The following CDH6 variants were observed in gnomAD, a reference collection of about 807,000 sequenced individuals.
CDH6 encodes the protein cadherin-6.
A neutral mutation model predicts 78.0 loss-of-function variants in CDH6; 31 were observed. The observed-to-expected ratio is 0.40, with a 90% CI of 0.30 to 0.54. The LOEUF is 0.54. CDH6 is among the 20% of genes least tolerant of loss of function. The pLI, the probability that CDH6 is intolerant of heterozygous loss-of-function variation, is 0.56. For synonymous variants in CDH6, 376 were observed against 368.8 expected, an observed-to-expected ratio of 1.02 and a Z score of -0.23; for missense variants, 724 against 975.9, an observed-to-expected ratio of 0.74 and a Z score of 3.44.
At chr5:31,302,850 A>AAGAAAGAAAGAAAGAG (rs1737834951) in intron 6 of CDH6, among the ~76,000 whole-genome samples, 1 of 145,604 alleles carries the variant, frequency 6.9e-6, no homozygotes, top group Admixed American at 6.8e-5. Context: ...GAAAGAAAGA[A>AAGAAAGAAAGAAAGAG]AGAGAAAGAA....
chr5:31,260,909 T>G (rs188402130), intron 1 of CDH6, among the ~76,000 whole-genome samples: 22 of 152,298 alleles, frequency 1.4e-4, no homozygotes, highest in African/African-American at 4.8e-4. Context: ...CTACCAAAAC[T>G]TTTAAATTGG....
chr5:31,277,934 C>T (rs983566814), intron 2 of CDH6, among the ~76,000 whole-genome samples: 9 of 152,132 alleles, frequency 5.9e-5, no homozygotes, highest in East Asian at 3.9e-4. Flanking sequence ...TTTTGATATA[C>T]GTTGTGAAAT....
At chr5:31,251,671 C>G (rs543931168) in intron 1 of CDH6, 19 of 152,246 alleles carry the variant, frequency 1.2e-4, no homozygotes, top group Admixed American at 1.2e-3. Flanking sequence ...GCTTCATGAC[C>G]AGTTTTCCCT....
intron 1 of CDH6, among the ~76,000 whole-genome samples, chr5:31,256,105 T>C (rs1171612300): frequency 6.6e-6 from 1 of 152,210 alleles, no homozygotes; most frequent in East Asian, 1.9e-4. Flanking sequence ...AATGCATTGA[T>C]TGACCTGAAG....
intron 1 of CDH6, among the ~76,000 whole-genome samples, chr5:31,203,038 C>T (rs928700292): frequency 2.6e-5 from 4 of 151,820 alleles, no homozygotes; most frequent in African/African-American, 4.8e-5. Flanking sequence ...CCAAGTTCAG[C>T]GACTTTTCTC....
chr5:31,271,045 A>T (rs548377200), intron 2 of CDH6, among the ~76,000 whole-genome samples: 1 of 152,332 alleles, frequency 6.6e-6, no homozygotes, highest in African/African-American at 2.4e-5. Flanking sequence ...AGAGCTTAAC[A>T]TGGGTGCCTA....
intron 7 of CDH6, among the ~76,000 whole-genome samples, chr5:31,311,698 A>G (rs1738160594): frequency 6.6e-6 from 1 of 152,230 alleles, no homozygotes; most frequent in Admixed American, 6.5e-5. Context: ...ACTTGTAATC[A>G]TGGCGAAATG....
rs1056457829 is a variant in CDH6, at chr5:31,324,259, A to C, written c.*951A>C. 2 of 211,282 alleles carry C rather than the reference A, an allele frequency of 9.5e-6. No individual in the cohort carries two copies. The highest frequency in any genetic ancestry group is 4.5e-5 in the African/African-American group (2 of 44,232). The allele number at this position is 211,282 out of a possible 1,614,324, so 13.1% of individuals were successfully genotyped here. A position where few individuals can be genotyped will look rare whatever the true frequency, so the allele number is the denominator to read the frequency against. ...CTACTATACTGTACATGAAAGTAGCAGTGTGAAGTACAATAATTCATATTC... is the reference window on the plus strand; with the variant it reads ...CTACTATACTGTACATGAAAGTAGCCGTGTGAAGTACAATAATTCATATTC... On this transcript the variant is annotated 3_prime_UTR_variant, in exon 12 of 12. Coordinates refer to ENST00000265071, the MANE Select transcript of CDH6 (RefSeq NM_004932.4).
chr5:31,207,038 GT>G (rs1740545648), intron 1 of CDH6, among the ~76,000 whole-genome samples: 1 of 152,074 alleles, frequency 6.6e-6, no homozygotes, highest in Admixed American at 6.6e-5. Context: ...TCAAAATACA[GT>G]TCAGCAAGAA....
At chr5:31,314,287 T>C (rs1738242024) in intron 8 of CDH6, among the ~76,000 whole-genome samples, 1 of 147,464 alleles carries the variant, frequency 6.8e-6, no homozygotes, top group Non-Finnish European at 1.5e-5. Flanking sequence ...CTCCTAATGC[T>C]ATCCCTCCCC....
chr5:31,309,036 G>A (rs2149955586), intron 7 of CDH6, among the ~76,000 whole-genome samples: 1 of 152,122 alleles, frequency 6.6e-6, no homozygotes, highest in African/African-American at 2.4e-5. Context: ...AATAAGAAAT[G>A]ATCAAGTAAG....
At chr5:31,254,532 G>A (rs1483942430) in intron 1 of CDH6, among the ~76,000 whole-genome samples, 1 of 152,108 alleles carries the variant, frequency 6.6e-6, no homozygotes, top group Admixed American at 6.6e-5. Flanking sequence ...CATTGTGGGT[G>A]GAAGACATGA....
At chr5:31,268,222 AGCT>A (rs551067549) in intron 2 of CDH6, among the ~76,000 whole-genome samples, 67 of 152,210 alleles carry the variant, frequency 4.4e-4, no homozygotes, top group Non-Finnish European at 7.5e-4. Context: ...TAGATTTGGC[AGCT>A]GCTGCTGCTG....
chr5:31,228,080 T>C (rs574437975), intron 1 of CDH6, among the ~76,000 whole-genome samples: 1 of 152,304 alleles, frequency 6.6e-6, no homozygotes, highest in East Asian at 1.9e-4. Context: ...TCACCTGTTT[T>C]CTTGGCCCCT....
intron 2 of CDH6, among the ~76,000 whole-genome samples, chr5:31,270,334 T>G (rs1467122564): frequency 6.6e-6 from 1 of 152,230 alleles, no homozygotes; most frequent in Admixed American, 6.5e-5. Flanking sequence ...TAATAAGAAT[T>G]TTTGTTCTAA....
intron 7 of CDH6, among the ~76,000 whole-genome samples, chr5:31,311,226 G>A (rs542883257): frequency 8.5e-5 from 13 of 152,186 alleles, no homozygotes; most frequent in Admixed American, 6.5e-4. Flanking sequence ...CATCTCTCTC[G>A]AGTTCAAAGT....
At chr5:31,201,408 C>T (rs1740345612) in intron 1 of CDH6, among the ~76,000 whole-genome samples, 1 of 151,980 alleles carries the variant, frequency 6.6e-6, no homozygotes, top group Non-Finnish European at 1.5e-5. Context: ...AAGTTGTATC[C>T]ATCTTTGAAA....
chr5:31,323,932 C>T lies in CDH6; in HGVS notation c.*624C>T. 1 of 229,210 alleles carries T rather than the reference C, an allele frequency of 4.4e-6. No individual in the cohort carries two copies. The highest frequency in any genetic ancestry group is 8.6e-6 in the Non-Finnish European group (1 of 115,624). 14.2% of individuals were successfully genotyped at this position (229,210 alleles called of 1,614,324 possible). On this transcript the variant is annotated 3_prime_UTR_variant, in exon 12 of 12. Coordinates refer to ENST00000265071, the MANE Select transcript of CDH6 (RefSeq NM_004932.4). ...TAGAAGCAAATTAAACGGTAACATC[C>T]AAAAGCAACCACAAACCTAGTACGA...
chr5:31,325,645 TCTC>T lies in CDH6; in HGVS notation c.*2340_*2342del, dbSNP rs1738609898. 1 of 230,994 alleles carries T rather than the reference TCTC, an allele frequency of 4.3e-6. No homozygotes were observed. The highest frequency in any genetic ancestry group is 2.2e-5 in the African/African-American group (1 of 45,244). 14.3% of individuals were successfully genotyped at this position (230,994 alleles called of 1,614,324 possible). A position where few individuals can be genotyped will look rare whatever the true frequency, so the allele number is the denominator to read the frequency against. On this transcript the variant is annotated 3_prime_UTR_variant, in exon 12 of 12. Coordinates refer to ENST00000265071, the MANE Select transcript of CDH6 (RefSeq NM_004932.4). Reference sequence around the variant, plus strand: ...CAATGTTTAAAGGTAAGATCTGAGTTCTCCTAATAAGTAAAAGTAAGTAGTTCT... The same window carrying T: ...CAATGTTTAAAGGTAAGATCTGAGTTCTAATAAGTAAAAGTAAGTAGTTCT...
Sources: gnomAD v4.1 joint callset for allele counts (sites outside exome capture counted in the v4.1 genomes callset) on GRCh38, gnomAD v4.1.1 for gene constraint, MANE v1.5 for transcripts, NCBI Gene and HGNC (gene_info 2026-07-23, HGNC 2026-07-21) for gene names.